HTT: variants seen among roughly 807,000 people sequenced by gnomAD.
HTT encodes huntingtin, also known as huntington disease protein.
HTT carries 104 observed loss-of-function variants against 362.3 expected under a neutral mutation model. That is an observed-to-expected ratio of 0.29 (90% CI 0.24 to 0.34). The LOEUF (loss-of-function observed/expected upper bound fraction) is 0.34. HTT is among the 10% of genes least tolerant of loss of function. The pLI, the probability that HTT is intolerant of heterozygous loss-of-function variation, is 1.00. For synonymous variants in HTT, 1,577 were observed against 1,548.7 expected, an observed-to-expected ratio of 1.02 and a Z score of -0.43; for missense variants, 3,301 against 3,928.6, an observed-to-expected ratio of 0.84 and a Z score of 4.27.
chr4:3,177,509 TCTGA>T (rs1456634491), intron 34 of HTT, 122 bp downstream of exon 34: 2 of 643,544 alleles, frequency 3.1e-6, no homozygotes, highest in Admixed American at 6.9e-5. Context: ...TAAATGGAAA[TCTGA>T]CTAACATACT....
chr4:3,187,918 C>T (rs751204289), intron 39 of HTT, 32 bp downstream of exon 39: 2 of 1,372,190 alleles, frequency 1.5e-6, no homozygotes, highest in South Asian at 1.2e-5. Context: ...ATAACTAACC[C>T]ATGCCTTTTG....
intron 60 of HTT, among the ~76,000 whole-genome samples, chr4:3,232,505 T>C (rs982462704): frequency 2.0e-5 from 3 of 152,108 alleles, no homozygotes; most frequent in East Asian, 1.9e-4. Context: ...CCCTGCTAGG[T>C]TTTGGATACT....
intron 56 of HTT, among the ~76,000 whole-genome samples, chr4:3,224,777 A>G (rs73193311): frequency 0.012 from 1,875 of 152,348 alleles, 32 homozygotes; most frequent in South Asian, 0.02. Context: ...AGAAAGTTCT[A>G]TGTGGACGTG....
chr4:3,242,485 T>C lies in HTT; in HGVS notation c.*2426T>C, dbSNP rs1721851772. The C allele has an allele frequency of 1.3e-5, 2 of 152,238 alleles. No homozygotes were observed. The highest frequency in any genetic ancestry group is 4.1e-4 in the South Asian group (2 of 4,822). 9.4% of individuals were successfully genotyped at this position (152,238 alleles called of 1,614,324 possible). ...CCTCTAAGAGTGCCCGTGTCGGTTC[T>C]TCCTGGAAGTTGACTTTCCTTAGAC... On this transcript the variant is annotated 3_prime_UTR_variant, in exon 67 of 67. Transcript: ENST00000355072.
At chr4:3,154,077 TG>T (rs1172985335) in intron 26 of HTT, among the ~76,000 whole-genome samples, 1 of 152,194 alleles carries the variant, frequency 6.6e-6, no homozygotes, top group Admixed American at 6.5e-5. Context: ...TAGGAAGTTG[TG>T]GGCCAGTCCC....
chr4:3,080,296 T>C (rs555431115), intron 1 of HTT, among the ~76,000 whole-genome samples: 32 of 152,132 alleles, frequency 2.1e-4, no homozygotes, highest in African/African-American at 7.5e-4. Context: ...GGTTTCACCA[T>C]GTTGGCCAGG....
chr4:3,204,291 A>T, intron 42 of HTT, 143 bp downstream of exon 42: 1 of 747,692 alleles, frequency 1.3e-6, no homozygotes, highest in Non-Finnish European at 2.2e-6. Flanking sequence ...TCTAGAATGA[A>T]TGTTTACTTC....
intron 12 of HTT, 113 bp from the exon 13 acceptor site, chr4:3,129,811 A>G: frequency 1.6e-6 from 2 of 1,268,932 alleles, no homozygotes; most frequent in South Asian, 1.2e-5. Context: ...AGATGAGTAC[A>G]TTTGTGTTCT....
chr4:3,147,606 T>C (rs1169169370), intron 25 of HTT, among the ~76,000 whole-genome samples: 1 of 152,136 alleles, frequency 6.6e-6, no homozygotes, highest in Admixed American at 6.5e-5. Context: ...AACTTGAACA[T>C]GGGCTGGAGG....
chr4:3,084,722 A>G (rs1464134288), intron 1 of HTT, among the ~76,000 whole-genome samples: 3 of 150,464 alleles, frequency 2.0e-5, no homozygotes, highest in Admixed American at 6.6e-5. Context: ...ATTAAAATAC[A>G]GCATTACTGG....
chr4:3,206,693 C>T lies in HTT; in HGVS notation c.5898+18C>T, dbSNP rs554439268. On this transcript the variant is annotated intron_variant, in intron 43 of 66. Coordinates refer to ENST00000355072, the MANE Select transcript of HTT (RefSeq NM_001388492.1). The surrounding 1 kb of genome is among the most constrained non-coding windows in gnomAD (Gnocchi z 4.6). ...TTTCAACTGTACGTCTTCATCCTGC[C>T]GACTATTGCCAGTTGCAGTTTTCCC... 1.9e-6 allele frequency: 3 copies of T among 1,602,888 alleles called. No homozygotes were observed. Among genetic ancestry groups the T allele is most frequent in the Admixed American group, 1.7e-5 (1 of 59,426 alleles).
At chr4:3,153,662 C>A (rs1177793461) in intron 26 of HTT, among the ~76,000 whole-genome samples, 1 of 152,068 alleles carries the variant, frequency 6.6e-6, no homozygotes, top group Non-Finnish European at 1.5e-5. Flanking sequence ...GTGGCTCATG[C>A]CTGTAATTCC....
chr4:3,123,733 C>G (rs532171574), intron 10 of HTT, among the ~76,000 whole-genome samples: 1 of 152,122 alleles, frequency 6.6e-6, no homozygotes, highest in East Asian at 1.9e-4. Flanking sequence ...TTAATTTGGA[C>G]CTGGTTATCA....
chr4:3,193,103 ACAGG>A, intron 40 of HTT, among the ~76,000 whole-genome samples: 1 of 152,362 alleles, frequency 6.6e-6, no homozygotes, highest in Non-Finnish European at 1.5e-5. Flanking sequence ...AGCTGAGAGT[ACAGG>A]CAGGCAGGCA....
intron 45 of HTT, 30 bp downstream of exon 45, chr4:3,207,387 G>A (rs2110270430): frequency 6.5e-7 from 1 of 1,539,650 alleles, no homozygotes; most frequent in Middle Eastern, 1.7e-4. Flanking sequence ...TCGTCCTTGT[G>A]TTAGGACAAC....
Position 3,175,011 on chromosome 4 carries a change from G to T in HTT, c.4311G>T (p.Thr1437=). The change falls in exon 33 of 67, where the codon ACG becomes ACT. Residue 1437 remains threonine (T), a synonymous_variant. Transcript: ENST00000355072. ...PLVIKALKQY[T]TTTCVQLQKQ... ...TTATAAAAGCTTTAAAACAGTACAC[G>T]ACTACAACATGTGTGCAGTTACAGA... 6.2e-7 allele frequency: 1 copy of T among 1,612,278 alleles called. No homozygotes were observed. Among genetic ancestry groups the T allele is most frequent in the South Asian group, 1.1e-5 (1 of 91,032 alleles).
At position 3,206,603 on chromosome 4, in the gene HTT, C is replaced by T. The variant is rs746695006; in HGVS notation, c.5826C>T (p.Ala1942=). Residue 1942 remains alanine (A), a synonymous_variant, in exon 43 of 67, where the codon GCC becomes GCT. Coordinates refer to ENST00000355072, the MANE Select transcript of HTT (RefSeq NM_001388492.1). The surrounding 1 kb of genome is among the most constrained non-coding windows in gnomAD (Gnocchi z 4.6). ...HEPPVQDFIS[A]VHRNSAASGL... The stretch of plus-strand genomic sequence containing the variant: ...CTCCAGTACAGGACTTCATCAGTGC[C>T]GTTCATCGGAACTCTGCTGCCAGCG... 3.8e-5 allele frequency: 62 copies of T among 1,614,026 alleles called. No homozygotes were observed. Among genetic ancestry groups the T allele is most frequent in the East Asian group, 2.7e-4 (12 of 44,900 alleles).
intron 2 of HTT, among the ~76,000 whole-genome samples, chr4:3,093,687 A>C (rs1713637285): frequency 6.6e-6 from 1 of 152,120 alleles, no homozygotes; most frequent in African/African-American, 2.4e-5. Context: ...GAGATTTTAC[A>C]CACAGAGAGA....
intron 10 of HTT, among the ~76,000 whole-genome samples, chr4:3,124,178 G>A (rs1170402430): frequency 6.6e-6 from 1 of 152,170 alleles, no homozygotes; most frequent in East Asian, 1.9e-4. Context: ...AAAAATTAAT[G>A]TCTATATTCT....
Sources: gnomAD v4.1 joint callset for allele counts (sites outside exome capture counted in the v4.1 genomes callset) on GRCh38, gnomAD v4.1.1 for gene constraint, Gnocchi (gnomAD v3.1) non-coding constraint, MANE v1.5 for transcripts, NCBI Gene and HGNC (gene_info 2026-07-23, HGNC 2026-07-21) for gene names.